Variants in TTC12 observed in about 807,000 individuals in gnomAD.
The protein encoded by TTC12 is tetratricopeptide repeat protein 12.
A neutral mutation model predicts 90.1 loss-of-function variants in TTC12; 70 were observed. The observed-to-expected ratio is 0.78, with a 90% CI of 0.64 to 0.95. TTC12 has a LOEUF of 0.95. TTC12 is among the 40% of genes least tolerant of loss of function. The probability of loss-of-function intolerance (pLI) is 0.00; values close to 1 mark genes in which losing one functional copy is unlikely to be tolerated. For synonymous variants in TTC12, 296 were observed against 311.5 expected (o/e 0.95, Z 0.53); for missense variants, 819 against 846.1 (o/e 0.97, Z 0.40).
At chr11:113,352,567 C>G (rs1266151382) in intron 16 of TTC12, among the ~76,000 whole-genome samples, 1 of 151,928 alleles carries the variant, frequency 6.6e-6, no homozygotes, top group Admixed American at 6.6e-5. Context: ...AGGTATTAAG[C>G]CTAGTACCTA....
At chr11:113,334,850 G>A (rs1191146573) in intron 7 of TTC12, 116 bp from the exon 8 acceptor site, 3 of 765,784 alleles carry the variant, frequency 3.9e-6, no homozygotes, top group Non-Finnish European at 6.4e-6. Flanking sequence ...TGTCAACTCT[G>A]GTAGTTGCCC....
intron 8 of TTC12, among the ~76,000 whole-genome samples, chr11:113,336,847 A>C (rs916695363): frequency 6.6e-6 from 1 of 152,190 alleles, no homozygotes; most frequent in Non-Finnish European, 1.5e-5. Context: ...TCAAATTTCT[A>C]TATGAACTTC....
At chr11:113,362,094 A>G (rs1949968991) in intron 18 of TTC12, among the ~76,000 whole-genome samples, 1 of 152,176 alleles carries the variant, frequency 6.6e-6, no homozygotes, top group East Asian at 1.9e-4. Flanking sequence ...TCTCCTTATA[A>G]AGGGCCTGCT....
chr11:113,369,451 TGCAC>T (rs1455960790), downstream of TTC12, among the ~76,000 whole-genome samples: 1 of 130,282 alleles, frequency 7.7e-6, no homozygotes, highest in Non-Finnish European at 1.6e-5. Flanking sequence ...GCCTTTGCTC[TGCAC>T]TAGGCACCCT....
intron 16 of TTC12, among the ~76,000 whole-genome samples, chr11:113,356,505 G>T (rs781958690): frequency 6.6e-6 from 1 of 152,146 alleles, no homozygotes; most frequent in Non-Finnish European, 1.5e-5. Flanking sequence ...TGGTTATTTT[G>T]CTGACTTATT....
rs1591572330 is a variant in TTC12 at position 113,342,030 on chromosome 11, G to A, written c.985+105G>A. 5.1e-6 allele frequency: 5 copies of A among 973,448 alleles called. No individual in the cohort carries two copies. In the Admixed American group the frequency reaches 5.5e-5, roughly 11 times the overall value. 60.3% of individuals were successfully genotyped at this position (973,448 alleles called of 1,614,324 possible). On this transcript the variant is annotated intron_variant, in intron 12 of 21. Transcript: ENST00000529221. ...AAAGGCCAGGCCCTGGAAAGCTGATGTCTAGACTTCCGCACACACCCACTC... is the reference window on the plus strand; with the variant it reads ...AAAGGCCAGGCCCTGGAAAGCTGATATCTAGACTTCCGCACACACCCACTC...
chr11:113,317,450 T>C (rs1216198977), intron 2 of TTC12, among the ~76,000 whole-genome samples: 2 of 152,164 alleles, frequency 1.3e-5, no homozygotes, highest in Non-Finnish European at 2.9e-5. Flanking sequence ...AGCCATCTAG[T>C]TTGGTTGGAG....
chr11:113,354,237 T>C (rs1483032648), intron 16 of TTC12, among the ~76,000 whole-genome samples: 6 of 152,194 alleles, frequency 3.9e-5, no homozygotes, highest in African/African-American at 1.2e-4. Flanking sequence ...TAAATGAGAT[T>C]GCGTTTCTCA....
At chr11:113,341,739 T>G (rs781812800) in intron 11 of TTC12, 98 bp from the exon 12 acceptor site, 4 of 916,920 alleles carry the variant, frequency 4.4e-6, no homozygotes, top group Non-Finnish European at 7.3e-6. Context: ...TTCTCAAACC[T>G]GTATTTGGTG....
At chr11:113,345,812 A>G (rs1002734744) in intron 13 of TTC12, among the ~76,000 whole-genome samples, 1 of 152,134 alleles carries the variant, frequency 6.6e-6, no homozygotes, top group Non-Finnish European at 1.5e-5. Context: ...AAATGTAGCT[A>G]TAGCTATCAT....
chr11:113,368,201 G>A (rs1950275652), downstream of TTC12: 1 of 1,482,540 alleles, frequency 6.7e-7, no homozygotes, highest in Non-Finnish European at 9.0e-7. Flanking sequence ...CCTGCCGAGA[G>A]CAGTCATCTC....
At chr11:113,323,139 C>G in intron 2 of TTC12, 149 bp from the exon 3 acceptor site, 162 of 181,722 alleles carry the variant, frequency 8.9e-4, no homozygotes, top group Middle Eastern at 2.8e-3. Context: ...TTAATTTTTT[C>G]TCATTGGTTC....
At chr11:113,346,740 C>G (rs1349760751) in intron 13 of TTC12, among the ~76,000 whole-genome samples, 1 of 139,520 alleles carries the variant, frequency 7.2e-6, no homozygotes, top group East Asian at 2.2e-4. Context: ...CAGCAAACAG[C>G]ATCTGCTACA....
downstream of TTC12, chr11:113,368,587 G>C (rs1216873196): frequency 1.7e-6 from 2 of 1,203,718 alleles, no homozygotes. Flanking sequence ...GTAACAGACA[G>C]TCCAGAGCTG....
chr11:113,334,267 C>A (rs1264012321), intron 7 of TTC12, among the ~76,000 whole-genome samples: 1 of 152,196 alleles, frequency 6.6e-6, no homozygotes, highest in African/African-American at 2.4e-5. Flanking sequence ...TCTGTCAAAT[C>A]ATTCCCTGTG....
rs534980032 is a variant in TTC12 at position 113,344,400 on chromosome 11, A to G, written c.1114A>G (p.Ser372Gly). 1 of 1,614,108 alleles carries G rather than the reference A, an allele frequency of 6.2e-7. No homozygotes were observed. The highest frequency in any genetic ancestry group is 1.3e-5 in the African/African-American group (1 of 75,046). The change falls in exon 13 of 22, where the codon AGC (serine) becomes GGC (glycine). Residue 372 changes from serine (S) to glycine (G), a missense_variant. By Grantham distance (56) the Ser-to-Gly change is moderately conservative. Transcript: ENST00000529221. Reference sequence around the variant, plus strand: ...GCTGCTGCATCTCGCCCAGACTGAGAGCGGACGGAGCCTGATCATCAACCA... The same window carrying G: ...GCTGCTGCATCTCGCCCAGACTGAGGGCGGACGGAGCCTGATCATCAACCA... ...ALLLHLAQTE[S>G]GRSLIINHLD...
downstream of TTC12, among the ~76,000 whole-genome samples, chr11:113,367,489 A>G (rs374277068): frequency 7.7e-4 from 117 of 152,358 alleles, no homozygotes; most frequent in African/African-American, 2.4e-3. Context: ...GAGGGTGTCA[A>G]CTATGACGTC....
At position 113,364,809 on chromosome 11, in the gene TTC12, T is replaced by A. The variant is rs142642099; in HGVS notation, c.1817-26T>A. On this transcript the variant is annotated intron_variant, in intron 20 of 21. Transcript: ENST00000529221. Reference sequence around the variant, plus strand: ...CCTATTTTGGGATTAAAAGGAGCTGTTGCTTGTTCTCTTCTTTCCCTGCAG... The same window carrying A: ...CCTATTTTGGGATTAAAAGGAGCTGATGCTTGTTCTCTTCTTTCCCTGCAG... 5 of 1,603,708 alleles carry A rather than the reference T, an allele frequency of 3.1e-6. No homozygotes were observed. In the African/African-American group the frequency reaches 5.3e-5, roughly 17 times the overall value.
At chr11:113,328,953 A>T (rs1947860605) in intron 6 of TTC12, among the ~76,000 whole-genome samples, 1 of 152,202 alleles carries the variant, frequency 6.6e-6, no homozygotes, top group Non-Finnish European at 1.5e-5. Context: ...TATAGTATGT[A>T]TCAACTCCTC....
Sources: allele counts gnomAD v4.1 joint callset (sites outside exome capture counted in the v4.1 genomes callset), GRCh38; gene constraint gnomAD v4.1.1; transcripts MANE v1.5; gene names NCBI Gene and HGNC (gene_info 2026-07-23, HGNC 2026-07-21).